The following CHCHD10 variants were observed in gnomAD, a reference collection of about 807,000 sequenced individuals.
The protein encoded by CHCHD10 is coiled-coil-helix-coiled-coil-helix domain containing 10, also known as coiled-coil-helix-coiled-coil-helix domain-containing protein 10, mitochondrial.
CHCHD10 carries 10 observed loss-of-function variants against 14.8 expected under a neutral mutation model. That is an observed-to-expected ratio of 0.67 (90% CI 0.42 to 1.14). CHCHD10 has a LOEUF of 1.14. Ranked by LOEUF, CHCHD10 falls within the 50% of genes most tolerant of loss-of-function variation. CHCHD10 has a pLI of 0.00. For synonymous variants in CHCHD10, 90 were observed against 85.2 expected, an observed-to-expected ratio of 1.06 and a Z score of -0.31; for missense variants, 203 against 196.9, an observed-to-expected ratio of 1.03 and a Z score of -0.19.
chr22:23,766,539 G>A (rs1459545912), intron 2 of CHCHD10: 6 of 389,640 alleles, frequency 1.5e-5, no homozygotes, highest in African/African-American at 8.9e-5. Context: ...TGCAACCTCC[G>A]CCTCCCGGGT....
chr22:23,766,580 GT>G, intron 2 of CHCHD10: 4 of 326,986 alleles, frequency 1.2e-5, no homozygotes, highest in South Asian at 4.7e-5. Context: ...GGCCTCCCAA[GT>G]AGCTGGGGCT....
intron 3 of CHCHD10, 45 bp from the exon 4 acceptor site, chr22:23,766,071 G>A (rs1209531512): frequency 1.9e-6 from 3 of 1,612,942 alleles, no homozygotes; most frequent in Non-Finnish European, 2.5e-6. Context: ...GCCTGCAGGT[G>A]CAAGAGGAGG....
At position 23,766,040 on chromosome 22, in the gene CHCHD10, G is replaced by A. The variant is rs375779737; in HGVS notation, c.410-14C>T. ...GGGAGCTCAGACCTGGGAAGGGAGGGGCAGCACAGGCTGGTGGTCAGCCTG... is the reference window on the plus strand; with the variant it reads ...GGGAGCTCAGACCTGGGAAGGGAGGAGCAGCACAGGCTGGTGGTCAGCCTG... On this transcript the variant is annotated splice_polypyrimidine_tract_variant and intron_variant, in intron 3 of 3. Coordinates refer to ENST00000484558, the MANE Select transcript of CHCHD10 (RefSeq NM_213720.3). 1.4e-4 allele frequency: 225 copies of A among 1,613,672 alleles called. No individual in the cohort carries two copies. The highest frequency in any genetic ancestry group is 1.6e-4 in the Non-Finnish European group (194 of 1,179,844).
intron 1 of CHCHD10, 64 bp downstream of exon 1, chr22:23,767,770 G>T: frequency 7.4e-7 from 1 of 1,347,570 alleles, no homozygotes; most frequent in Non-Finnish European, 1.0e-6. Flanking sequence ...CTCTGCGGAC[G>T]CCCTTAGGGG....
chr22:23,767,852 G>A lies in CHCHD10; in HGVS notation c.23C>T (p.Ala8Val). Residue 8 changes from alanine (A) to valine (V), a missense_variant, in exon 1 of 4, where the codon GCG becomes GTG. Ala to Val is a moderately conservative substitution (Grantham distance 64, BLOSUM62 0). Coordinates refer to ENST00000484558, the MANE Select transcript of CHCHD10 (RefSeq NM_213720.3). ...CTCACACCTGGCTGGCCGGGAGGCC[G>A]CGCTGCGGCTTCCCCGAGGCATGGT... MPRGSRS[A>V]ASRPASRPAA... The A allele has an allele frequency of 2.0e-6, 3 of 1,517,770 alleles. No homozygotes were observed. Among genetic ancestry groups the A allele is most frequent in the South Asian group, 1.2e-5 (1 of 80,876 alleles). The allele number at this position is 1,517,770 out of a possible 1,614,324, so 94.0% of individuals were successfully genotyped here.
chr22:23,766,465 T>C (rs943725038), intron 2 of CHCHD10, 190 bp from the exon 3 acceptor site: 1 of 576,538 alleles, frequency 1.7e-6, no homozygotes, highest in African/African-American at 1.9e-5. Context: ...TTTTTTTTTT[T>C]TTTTTGAGAC....
Position 23,765,879 on chromosome 22 carries a change from A to ATG in CHCHD10, c.*127_*128insCA, listed in dbSNP as rs1926724242. 1.3e-6 allele frequency: 2 copies of ATG among 1,558,834 alleles called. No individual in the cohort carries two copies. Among genetic ancestry groups the ATG allele is most frequent in the Non-Finnish European group, 1.8e-6 (2 of 1,139,068 alleles). On this transcript the variant is annotated 3_prime_UTR_variant, in exon 4 of 4. Coordinates refer to ENST00000484558, the MANE Select transcript of CHCHD10 (RefSeq NM_213720.3). ...TAATTGCACATTTGTGTCTTGGGTT[A>ATG]TCTGTGGGGTGAGAAACCTCCTCAC...
At chr22:23,767,718 AC>A in intron 1 of CHCHD10, 115 bp downstream of exon 1, 1 of 1,003,208 alleles carries the variant, frequency 1.0e-6, no homozygotes, top group South Asian at 1.6e-5. Context: ...CTGCACCCCC[AC>A]CCCTCCCCCC....
chr22:23,766,437 C>G, intron 2 of CHCHD10, 162 bp from the exon 3 acceptor site: 1 of 582,664 alleles, frequency 1.7e-6, no homozygotes, highest in Non-Finnish European at 3.0e-6. Flanking sequence ...CTACAGACAG[C>G]ATGTTTCTGC....
chr22:23,767,457 C>A lies in CHCHD10; in HGVS notation c.178G>T (p.Ala60Ser). 1 of 1,601,148 alleles carries A rather than the reference C, an allele frequency of 6.2e-7. No homozygotes were observed. The highest frequency in any genetic ancestry group is 8.5e-7 in the Non-Finnish European group (1 of 1,175,524). The change falls in exon 2 of 4, where the codon GCT (alanine) becomes TCT (serine). Residue 60 changes from alanine (A) to serine (S), a missense_variant. Physicochemically the swap from Ala to Ser is moderately conservative, Grantham distance 99 (BLOSUM62 1). Coordinates refer to ENST00000484558, the MANE Select transcript of CHCHD10 (RefSeq NM_213720.3). ...TTAAGVAVGS[A>S]VGHVMGSALT... ...GCGCTGCCCATGACGTGTCCCACAGCCGAGCCCACGGCTACCCCTGCGGCC... is the reference window on the plus strand; with the variant it reads ...GCGCTGCCCATGACGTGTCCCACAGACGAGCCCACGGCTACCCCTGCGGCC...
Position 23,767,454 on chromosome 22 carries a change from C to T in CHCHD10, c.181G>A (p.Val61Met), listed in dbSNP as rs1314503782. 3 of 1,601,366 alleles carry T rather than the reference C, an allele frequency of 1.9e-6. No homozygotes were observed. The African/African-American group carries it at 4.0e-5, about 21-fold the overall frequency. Residue 61 changes from valine to methionine, a missense_variant, in exon 2 of 4, where the codon GTG (valine) becomes ATG (methionine). Physicochemically the swap from Val to Met is conservative, Grantham distance 21. Coordinates refer to ENST00000484558, the MANE Select transcript of CHCHD10 (RefSeq NM_213720.3). ...TAAGVAVGSA[V>M]GHVMGSALTG... is the part of the protein sequence containing the mutation. ...AGGGCGCTGCCCATGACGTGTCCCA[C>T]AGCCGAGCCCACGGCTACCCCTGCG...
chr22:23,766,225 G>C lies in CHCHD10; in HGVS notation c.312C>G (p.Tyr104Ter), dbSNP rs9153. 4,528 of 1,556,708 alleles carry C rather than the reference G, an allele frequency of 2.9e-3. No homozygotes were observed. The highest frequency in any genetic ancestry group is 3.7e-3 in the Non-Finnish European group (4,161 of 1,136,822). Residue 104 changes from tyrosine to a stop codon, truncating the protein, a stop_gained, in exon 3 of 4, where the codon TAC (tyrosine) becomes TAG (stop). Coordinates refer to ENST00000484558, the MANE Select transcript of CHCHD10 (RefSeq NM_213720.3). LOFTEE classifies it high-confidence loss of function. Reference protein sequence around the residue: ...PQPLQMGPCAYEIRQFLDCST... With the variant: ...PQPLQMGPCA ...AACAGTCCAGGAACTGCCTGATCTC[G>C]TAGGCGCAGGGCCCCATCTGCAGGG...
rs375977146 is a variant in CHCHD10, at chr22:23,767,795, C to T, written c.41+39G>A. ...GCCCTTAGGGGAGTGCCCACACTTCCCTAACCCCCTCCCCACAGGGCCCTT... is the reference window on the plus strand; with the variant it reads ...GCCCTTAGGGGAGTGCCCACACTTCTCTAACCCCCTCCCCACAGGGCCCTT... On this transcript the variant is annotated intron_variant, in intron 1 of 3. Coordinates refer to ENST00000484558, the MANE Select transcript of CHCHD10 (RefSeq NM_213720.3). 1.2e-3 allele frequency: 1,787 copies of T among 1,523,076 alleles called. 36 individuals carry two copies. In the South Asian group the frequency reaches 0.02, roughly 17 times the overall value. 94.3% of individuals were successfully genotyped at this position (1,523,076 alleles called of 1,614,324 possible). A position where few individuals can be genotyped will look rare whatever the true frequency, so the allele number is the denominator to read the frequency against.
At chr22:23,766,359 T>A in intron 2 of CHCHD10, 84 bp from the exon 3 acceptor site, 1 of 1,229,016 alleles carries the variant, frequency 8.1e-7, no homozygotes, top group South Asian at 1.5e-5. Flanking sequence ...CACCTGCCCC[T>A]CCCCACATCC....
In CHCHD10 at chr22:23,767,363, T is replaced by A. The variant is rs131444; in HGVS notation, c.261+11A>T. The A allele has an allele frequency of 6.2e-7, 1 of 1,606,108 alleles. No individual in the cohort carries two copies. ...AATCCTGCCTCAGTTTCTCTTGGAC[T>A]CGCTGCTCACCTGCTGGACAGCAGG... On this transcript the variant is annotated intron_variant, in intron 2 of 3. Transcript: ENST00000484558.
chr22:23,767,433 C>A lies in CHCHD10; in HGVS notation c.202G>T (p.Ala68Ser), dbSNP rs1407607107. The change falls in exon 2 of 4, where the codon GCC (alanine) becomes TCC (serine). Residue 68 changes from alanine (A) to serine (S), a missense_variant. Transcript: ENST00000484558. ...CCCCCGCTGAAGGCTCCGGTCAGGGCGCTGCCCATGACGTGTCCCACAGCC... is the reference window on the plus strand; with the variant it reads ...CCCCCGCTGAAGGCTCCGGTCAGGGAGCTGCCCATGACGTGTCCCACAGCC... Reference protein sequence around the residue: ...GSAVGHVMGSALTGAFSGGSS... With the variant: ...GSAVGHVMGSSLTGAFSGGSS... The A allele has an allele frequency of 1.2e-6, 2 of 1,605,616 alleles. No homozygotes were observed. The highest frequency in any genetic ancestry group is 1.1e-5 in the South Asian group (1 of 89,830).
At chr22:23,767,727 C>T in intron 1 of CHCHD10, 107 bp downstream of exon 1, 1 of 1,100,088 alleles carries the variant, frequency 9.1e-7, no homozygotes, top group South Asian at 1.5e-5. Context: ...CACCCCTCCC[C>T]CCGCCAAGAT....
At chr22:23,767,781 A>G in intron 1 of CHCHD10, 53 bp downstream of exon 1, 2 of 1,431,110 alleles carry the variant, frequency 1.4e-6, no homozygotes, top group Non-Finnish European at 1.9e-6. Context: ...CCCTTAGGGG[A>G]GTGCCCACAC....
chr22:23,767,926 T>C lies in CHCHD10; in HGVS notation c.-52A>G, dbSNP rs745337153. ...CTTAGAGACGGCGGCAGCGGTGCTGTCGCGGGGACAAATGCCGCAGCGCTT... is the reference window on the plus strand; with the variant it reads ...CTTAGAGACGGCGGCAGCGGTGCTGCCGCGGGGACAAATGCCGCAGCGCTT... On this transcript the variant is annotated 5_prime_UTR_variant, in exon 1 of 4. Coordinates refer to ENST00000484558, the MANE Select transcript of CHCHD10 (RefSeq NM_213720.3). The C allele has an allele frequency of 1.0e-5, 14 of 1,400,416 alleles. No homozygotes were observed. The highest frequency in any genetic ancestry group is 1.3e-5 in the Non-Finnish European group (14 of 1,061,724). 86.7% of individuals were successfully genotyped at this position (1,400,416 alleles called of 1,614,324 possible). A position where few individuals can be genotyped will look rare whatever the true frequency, so the allele number is the denominator to read the frequency against.
Sources: gnomAD v4.1 joint callset for allele counts on GRCh38, gnomAD v4.1.1 for gene constraint, MANE v1.5 for transcripts, NCBI Gene and HGNC (gene_info 2026-07-23, HGNC 2026-07-21) for gene names.